The following GRAMD1B variants were observed in gnomAD, a reference collection of about 807,000 sequenced individuals.
The protein encoded by GRAMD1B is GRAM domain containing 1B, also known as protein Aster-B.
In GRAMD1B, 37 loss-of-function variants were observed where a neutral mutation model predicts 99.7. The observed-to-expected ratio is 0.37, with a 90% CI of 0.29 to 0.49. GRAMD1B has a LOEUF of 0.49. Ranked by LOEUF, GRAMD1B falls within the 20% of genes least tolerant of loss-of-function variation. The pLI, the probability that GRAMD1B is intolerant of heterozygous loss-of-function variation, is 0.98. For synonymous variants in GRAMD1B, 427 were observed against 387.6 expected (o/e 1.10, Z -1.19); for missense variants, 888 against 1,009.2 (o/e 0.88, Z 1.63).
chr11:123,430,900 C>T lies in GRAMD1B; in HGVS notation c.108C>T (p.Pro36=), dbSNP rs1273848992. Residue 36 remains proline, a synonymous_variant, in exon 1 of 20, where the codon CCC becomes CCT. Transcript: ENST00000635736. ...GSPVWSSSST[P]TLRRRRFKMR... is the part of the protein sequence containing the mutation. ...CGGTCTGGTCCAGTTCGTCGACCCC[C>T]ACGCTTCGCCGCCGGCGCTTCAAGA... 1.4e-6 allele frequency: 1 copy of T among 702,658 alleles called. No homozygotes were observed. The allele number at this position is 702,658 out of a possible 1,614,324, so 43.5% of individuals were successfully genotyped here. A position where few individuals can be genotyped will look rare whatever the true frequency, so the allele number is the denominator to read the frequency against.
intron 2 of GRAMD1B, among the ~76,000 whole-genome samples, chr11:123,512,493 C>T (rs1332066110): frequency 2.0e-5 from 3 of 152,180 alleles, no homozygotes; most frequent in Non-Finnish European, 4.4e-5. Context: ...CCAGATTGCA[C>T]ATGATCTAAG....
chr11:123,575,060 T>G (rs937899544), intron 2 of GRAMD1B, among the ~76,000 whole-genome samples: 1 of 150,172 alleles, frequency 6.7e-6, no homozygotes, highest in African/African-American at 2.5e-5. Context: ...TGTGTAGATC[T>G]TTGCATGGTG....
intron 1 of GRAMD1B, among the ~76,000 whole-genome samples, chr11:123,457,474 GGCTTAATGGAAGATTTCTTA>G (rs1441220216): frequency 1.3e-5 from 2 of 152,202 alleles, no homozygotes; most frequent in Non-Finnish European, 2.9e-5. Flanking sequence ...CCTTCAAACA[GGCTTAATGGAAGATTTCTTA>G]GCTTAGCGTC....
intron 1 of GRAMD1B, among the ~76,000 whole-genome samples, chr11:123,463,578 G>A (rs1387642397): frequency 6.6e-6 from 1 of 152,212 alleles, no homozygotes; most frequent in Non-Finnish European, 1.5e-5. Context: ...CAGAGCTACC[G>A]TCTCACTGGT....
intron 1 of GRAMD1B, among the ~76,000 whole-genome samples, chr11:123,406,554 T>C (rs1947864380): frequency 6.6e-6 from 1 of 152,128 alleles, no homozygotes; most frequent in Admixed American, 6.5e-5. Context: ...GCCGGGCCCA[T>C]TGTTGTTTTT....
intron 1 of GRAMD1B, among the ~76,000 whole-genome samples, chr11:123,457,117 A>AGAAAGAAAGAAAGAAAGTAAG: frequency 1.0e-5 from 1 of 99,436 alleles, no homozygotes; most frequent in African/African-American, 3.6e-5. Flanking sequence ...TTCTGAGAAA[A>AGAAAGAAAGAAAGAAAGTAAG]AAAGAAAGAA....
intron 1 of GRAMD1B, among the ~76,000 whole-genome samples, chr11:123,363,703 A>G (rs1946225107): frequency 6.6e-6 from 1 of 152,256 alleles, no homozygotes; most frequent in Non-Finnish European, 1.5e-5. Flanking sequence ...CCTGAGTGGA[A>G]GCCTTGCTTA....
chr11:123,402,737 C>T (rs1004474829), intron 1 of GRAMD1B, among the ~76,000 whole-genome samples: 2 of 152,130 alleles, frequency 1.3e-5, no homozygotes, highest in African/African-American at 4.8e-5. Flanking sequence ...TTTGGAATCC[C>T]GGAATCCCAA....
intron 1 of GRAMD1B, among the ~76,000 whole-genome samples, chr11:123,370,430 TC>T (rs1235437318): frequency 1.3e-5 from 2 of 149,182 alleles, no homozygotes; most frequent in African/African-American, 5.0e-5. Context: ...AGTCTCTGCT[TC>T]CCAGGCTCAA....
chr11:123,438,341 C>T (rs1331990642), intron 1 of GRAMD1B, among the ~76,000 whole-genome samples: 2 of 152,276 alleles, frequency 1.3e-5, no homozygotes, highest in East Asian at 1.9e-4. Context: ...GCCCTATCCC[C>T]CCAGGGCCTG....
intron 17 of GRAMD1B, among the ~76,000 whole-genome samples, chr11:123,616,439 T>A (rs1954395704): frequency 1.3e-5 from 2 of 152,274 alleles, no homozygotes; most frequent in Admixed American, 1.3e-4. Flanking sequence ...GTATTGGATT[T>A]TGGTTTGTAG....
chr11:123,473,768 C>G (rs1210961505), intron 1 of GRAMD1B, among the ~76,000 whole-genome samples: 1 of 152,166 alleles, frequency 6.6e-6, no homozygotes, highest in African/African-American at 2.4e-5. Flanking sequence ...TATGTTATTT[C>G]TAAGTGGTGT....
chr11:123,502,390 G>T (rs907137694), intron 2 of GRAMD1B, among the ~76,000 whole-genome samples: 26 of 152,208 alleles, frequency 1.7e-4, no homozygotes, highest in African/African-American at 6.3e-4. Flanking sequence ...ACTGGACCTA[G>T]CCCCCTCTCC....
chr11:123,584,613 C>A (rs1345752257), intron 4 of GRAMD1B, among the ~76,000 whole-genome samples: 1 of 152,006 alleles, frequency 6.6e-6, no homozygotes, highest in Non-Finnish European at 1.5e-5. Flanking sequence ...AAAGAGGAGA[C>A]CAGTCAGGGA....
chr11:123,397,030 A>G (rs557459788), intron 1 of GRAMD1B, among the ~76,000 whole-genome samples: 2 of 152,294 alleles, frequency 1.3e-5, no homozygotes, highest in South Asian at 4.1e-4. Context: ...AAATGTATAC[A>G]TTTTATAACA....
intron 2 of GRAMD1B, among the ~76,000 whole-genome samples, chr11:123,565,910 G>GT (rs1830988442): frequency 6.6e-6 from 1 of 152,208 alleles, no homozygotes; most frequent in African/African-American, 2.4e-5. Flanking sequence ...TTTGATTTTA[G>GT]TATCTTCTGC....
At chr11:123,443,166 G>A (rs1949487445) in intron 1 of GRAMD1B, among the ~76,000 whole-genome samples, 2 of 152,212 alleles carry the variant, frequency 1.3e-5, no homozygotes, top group Non-Finnish European at 2.9e-5. Context: ...AGATGGAGTT[G>A]CTCTGATTTA....
chr11:123,497,815 C>A (rs1017025684), intron 2 of GRAMD1B, among the ~76,000 whole-genome samples: 1 of 149,804 alleles, frequency 6.7e-6, no homozygotes, highest in Non-Finnish European at 1.5e-5. Context: ...GCAGGAGAAT[C>A]GCTTGAACCC....
At chr11:123,376,483 G>C (rs1310604782) in intron 1 of GRAMD1B, among the ~76,000 whole-genome samples, 1 of 152,162 alleles carries the variant, frequency 6.6e-6, no homozygotes, top group Non-Finnish European at 1.5e-5. Context: ...GTCAGTGAAG[G>C]TTTTCAGGCA....
Sources: gnomAD v4.1 joint callset for allele counts (sites outside exome capture counted in the v4.1 genomes callset) on GRCh38, gnomAD v4.1.1 for gene constraint, MANE v1.5 for transcripts, NCBI Gene and HGNC (gene_info 2026-07-23, HGNC 2026-07-21) for gene names.